Variants in TMEM74 observed in about 807,000 individuals in gnomAD.
The protein encoded by TMEM74 is transmembrane protein 74.
In TMEM74, 13 loss-of-function variants were observed where a neutral mutation model predicts 18.1. The observed-to-expected ratio is 0.72, with a 90% CI of 0.47 to 1.14. The LOEUF (loss-of-function observed/expected upper bound fraction) is 1.14, where lower values mean the gene tolerates loss of function less well. Among genes scored for constraint, TMEM74 ranks in the 50% most tolerant of loss-of-function variants. The pLI is 0.00. For synonymous variants in TMEM74, 159 were observed against 146.6 expected, an observed-to-expected ratio of 1.08 and a Z score of -0.61; for missense variants, 372 against 375.9, an observed-to-expected ratio of 0.99 and a Z score of 0.09.
chr8:108,629,381 G>A (rs918727164), intron 2 of TMEM74, among the ~76,000 whole-genome samples: 3 of 152,076 alleles, frequency 2.0e-5, no homozygotes, highest in African/African-American at 7.2e-5. Flanking sequence ...AAGTGACAGG[G>A]AGAATGGAAC....
chr8:108,703,733 C>T (rs1000807157), intron 1 of TMEM74, among the ~76,000 whole-genome samples: 7 of 152,190 alleles, frequency 4.6e-5, no homozygotes, highest in East Asian at 1.9e-4. Context: ...TCAGCATCTG[C>T]GGTCAATGGC....
At chr8:108,672,756 A>G (rs1321466939) in intron 1 of TMEM74, among the ~76,000 whole-genome samples, 1 of 152,196 alleles carries the variant, frequency 6.6e-6, no homozygotes, top group Non-Finnish European at 1.5e-5. Flanking sequence ...AGATCAACCA[A>G]CAAGGGTCCT....
intron 1 of TMEM74, among the ~76,000 whole-genome samples, chr8:108,714,115 T>TGG (rs1426254191): frequency 1.3e-5 from 2 of 152,160 alleles, no homozygotes; most frequent in African/African-American, 4.8e-5. Flanking sequence ...CAGACTCACA[T>TGG]GCTAATCTTC....
At chr8:108,622,537 T>C (rs1231806495) in intron 2 of TMEM74, among the ~76,000 whole-genome samples, 1 of 152,124 alleles carries the variant, frequency 6.6e-6, no homozygotes, top group African/African-American at 2.4e-5. Context: ...TTGAAGCTTG[T>C]GTTGAGTTCC....
chr8:108,741,565 T>C (rs1348781787), intron 1 of TMEM74, among the ~76,000 whole-genome samples: 1 of 152,212 alleles, frequency 6.6e-6, no homozygotes, highest in Non-Finnish European at 1.5e-5. Flanking sequence ...AATTATATGT[T>C]TACCCTATTT....
At chr8:108,694,563 G>T (rs1813262251) in intron 1 of TMEM74, among the ~76,000 whole-genome samples, 1 of 152,190 alleles carries the variant, frequency 6.6e-6, no homozygotes, top group Non-Finnish European at 1.5e-5. Flanking sequence ...GAATGTAGGA[G>T]CTGCACCTTA....
intron 1 of TMEM74, among the ~76,000 whole-genome samples, chr8:108,702,399 G>A (rs1338986304): frequency 1.3e-5 from 2 of 150,986 alleles, no homozygotes; most frequent in Non-Finnish European, 2.9e-5. Context: ...CACAAATTTG[G>A]TGAGCTGATC....
intron 1 of TMEM74, among the ~76,000 whole-genome samples, chr8:108,717,049 T>C (rs1000611815): frequency 6.6e-6 from 1 of 151,986 alleles, no homozygotes; most frequent in Non-Finnish European, 1.5e-5. Context: ...ACATGGGAAA[T>C]ATTAAATCTC....
chr8:108,769,812 C>T (rs1019955062), intron 1 of TMEM74, among the ~76,000 whole-genome samples: 3 of 151,916 alleles, frequency 2.0e-5, no homozygotes, highest in Admixed American at 6.6e-5. Flanking sequence ...ATTTTGTCCC[C>T]GTAGAGATTC....
intron 1 of TMEM74, among the ~76,000 whole-genome samples, chr8:108,767,454 T>C (rs1364530036): frequency 6.6e-6 from 1 of 152,208 alleles, no homozygotes; most frequent in Non-Finnish European, 1.5e-5. Context: ...CTTTAGCTTT[T>C]AAATAGGGTC....
chr8:108,726,292 T>G (rs1442721521), intron 1 of TMEM74, among the ~76,000 whole-genome samples: 1 of 152,142 alleles, frequency 6.6e-6, no homozygotes, highest in Admixed American at 6.5e-5. Context: ...GTAAAATTCA[T>G]CTACTGCAAA....
At chr8:108,684,414 T>A (rs141208913) in intron 1 of TMEM74, among the ~76,000 whole-genome samples, 1 of 152,160 alleles carries the variant, frequency 6.6e-6, no homozygotes, top group Non-Finnish European at 1.5e-5. Flanking sequence ...TTGAGAAATA[T>A]CTCTTCAGAT....
chr8:108,731,574 C>T (rs1385965869), intron 1 of TMEM74, among the ~76,000 whole-genome samples: 5 of 152,110 alleles, frequency 3.3e-5, no homozygotes, highest in Admixed American at 1.3e-4. Context: ...TGATAGAGAG[C>T]ATGAATACAC....
At chr8:108,634,710 A>G (rs903827742) in intron 2 of TMEM74, among the ~76,000 whole-genome samples, 12 of 151,852 alleles carry the variant, frequency 7.9e-5, no homozygotes, top group African/African-American at 2.4e-4. Flanking sequence ...TCAACTTAAC[A>G]TTTAGGCATG....
intron 1 of TMEM74, among the ~76,000 whole-genome samples, chr8:108,712,705 T>A (rs1813486008): frequency 6.6e-6 from 1 of 152,090 alleles, no homozygotes; most frequent in East Asian, 1.9e-4. Context: ...CATACTACCA[T>A]GCTATATATG....
intron 1 of TMEM74, among the ~76,000 whole-genome samples, chr8:108,755,488 T>C (rs1457662689): frequency 6.6e-6 from 1 of 152,166 alleles, no homozygotes; most frequent in Non-Finnish European, 1.5e-5. Context: ...CTTAAAACTA[T>C]GTAATGCCTT....
chr8:108,650,721 T>TATTTATTTATTC (rs1487927427), intron 2 of TMEM74, among the ~76,000 whole-genome samples: 18 of 152,114 alleles, frequency 1.2e-4, no homozygotes, highest in Non-Finnish European at 1.3e-4. Context: ...TTTATTTATT[T>TATTTATTTATTC]ATTTTTTAGA....
intron 1 of TMEM74, among the ~76,000 whole-genome samples, chr8:108,706,785 G>GTGTGTGTGTA (rs1554574045): frequency 1.3e-5 from 2 of 151,018 alleles, no homozygotes; most frequent in African/African-American, 4.9e-5. Context: ...GGGTGTGTGT[G>GTGTGTGTGTA]TGTGTGTGTG....
chr8:108,699,615 G>C (rs771967073), intron 1 of TMEM74, among the ~76,000 whole-genome samples: 2 of 152,144 alleles, frequency 1.3e-5, no homozygotes, highest in African/African-American at 2.4e-5. Context: ...CTGTTCTACT[G>C]TTAAGGATGA....
Sources: gnomAD v4.1 joint callset for allele counts (sites outside exome capture counted in the v4.1 genomes callset) on GRCh38, gnomAD v4.1.1 for gene constraint, MANE v1.5 for transcripts, NCBI Gene and HGNC (gene_info 2026-07-23, HGNC 2026-07-21) for gene names.